The following CCDC171 variants were observed in gnomAD, a reference collection of about 807,000 sequenced individuals.
CCDC171 encodes the protein coiled-coil domain-containing protein 171.
In CCDC171, 177 loss-of-function variants were observed where a neutral mutation model predicts 168.2. That is an observed-to-expected ratio of 1.05 (90% CI 0.93 to 1.19). CCDC171 has a LOEUF of 1.19. Among genes scored for constraint, CCDC171 ranks in the 50% most tolerant of loss-of-function variants. The pLI, the probability that CCDC171 is intolerant of heterozygous loss-of-function variation, is 0.00. For missense variants in CCDC171, 1,991 were observed against 1,539.0 expected, an observed-to-expected ratio of 1.29 and a Z score of -4.91; for synonymous variants, 687 against 540.8, an observed-to-expected ratio of 1.27 and a Z score of -3.75.
chr9:16,079,791 T>C, the CCDC171 span, among the ~76,000 whole-genome samples: 1 of 151,830 alleles, frequency 6.6e-6, no homozygotes, highest in Non-Finnish European at 1.5e-5. Context: ...TGGTTCTTTG[T>C]ATGACTAGCA....
the CCDC171 span, among the ~76,000 whole-genome samples, chr9:16,107,341 T>C: frequency 6.6e-6 from 1 of 152,130 alleles, no homozygotes; most frequent in East Asian, 1.9e-4. Flanking sequence ...TACCCAAATA[T>C]ACTCTATATC....
intron 24 of CCDC171, among the ~76,000 whole-genome samples, chr9:15,880,061 C>T (rs1439184922): frequency 1.3e-5 from 2 of 152,120 alleles, no homozygotes; most frequent in African/African-American, 4.8e-5. Context: ...TCCATTCTTA[C>T]TAGGTCCTTA....
At chr9:15,980,912 A>G (rs1019583445) in intron 3 of CCDC171, among the ~76,000 whole-genome samples, 3 of 151,842 alleles carry the variant, frequency 2.0e-5, no homozygotes, top group Admixed American at 6.6e-5. Flanking sequence ...AAGAGGTTTA[A>G]CTGAACCTAC....
chr9:15,636,316 T>C (rs1054759703), intron 7 of CCDC171, among the ~76,000 whole-genome samples: 6 of 152,186 alleles, frequency 3.9e-5, no homozygotes, highest in African/African-American at 1.4e-4. Flanking sequence ...ACAGAAGGAA[T>C]AAAAATATGA....
At chr9:15,703,915 A>G (rs1438735431) in intron 11 of CCDC171, among the ~76,000 whole-genome samples, 1 of 152,234 alleles carries the variant, frequency 6.6e-6, no homozygotes, top group Non-Finnish European at 1.5e-5. Context: ...CAATAATAAC[A>G]TTAAAGATCA....
chr9:15,990,314 C>G (rs533178520), intron 3 of CCDC171, among the ~76,000 whole-genome samples: 1 of 152,242 alleles, frequency 6.6e-6, no homozygotes, highest in South Asian at 2.1e-4. Context: ...AATTTCATAT[C>G]CAGCCAAACT....
At chr9:15,754,610 G>C (rs7866664) in intron 18 of CCDC171, among the ~76,000 whole-genome samples, 1,601 of 152,190 alleles carry the variant, frequency 0.011, 36 homozygotes, top group African/African-American at 0.036. Flanking sequence ...CTCTACAGGG[G>C]AGGCAATACT....
chr9:15,557,333 G>T (rs932036892), intron 1 of CCDC171, among the ~76,000 whole-genome samples: 2 of 152,110 alleles, frequency 1.3e-5, no homozygotes, highest in Non-Finnish European at 2.9e-5. Context: ...ACCTTGGGGA[G>T]TATGGCCATT....
chr9:15,674,885 G>A (rs1587889028), intron 9 of CCDC171, among the ~76,000 whole-genome samples: 1 of 152,142 alleles, frequency 6.6e-6, no homozygotes, highest in Admixed American at 6.6e-5. Context: ...TCTGCTTGGT[G>A]CAGAGCTGAG....
rs560443770 is a variant in CCDC171 at position 15,919,915 on chromosome 9, A to T, written c.3601-355A>T. Among the ~76,000 whole-genome samples the T allele has an allele frequency of 3.3e-5, 5 of 151,762 alleles. No homozygotes were observed. In the South Asian group the frequency reaches 1.0e-3, roughly 32 times the overall value. On this transcript the variant is annotated intron_variant, in intron 24 of 25. Transcript: ENST00000380701. ...ATACCTTGTTTGTATACCCATTAAG[A>T]TTGCACCTCTCTTAAGATGGAAATT... is the stretch of plus-strand genomic sequence containing the variant.
At chr9:15,866,392 G>C (rs2131077182) in intron 23 of CCDC171, among the ~76,000 whole-genome samples, 1 of 152,124 alleles carries the variant, frequency 6.6e-6, no homozygotes, top group East Asian at 1.9e-4. Flanking sequence ...CCAGAAGAGT[G>C]ATGGTAGGTG....
chr9:15,730,590 A>G (rs2054091405), intron 16 of CCDC171, among the ~76,000 whole-genome samples: 1 of 151,808 alleles, frequency 6.6e-6, no homozygotes, highest in Admixed American at 6.6e-5. Flanking sequence ...TGATCCATTC[A>G]TGCTTATATT....
intron 6 of CCDC171, among the ~76,000 whole-genome samples, chr9:15,614,705 C>T (rs930060097): frequency 1.3e-5 from 2 of 152,088 alleles, no homozygotes; most frequent in African/African-American, 4.8e-5. Context: ...ATTTTATCTT[C>T]ATGTTGGATA....
chr9:15,998,110 A>T (rs1832426565), intron 3 of CCDC171, among the ~76,000 whole-genome samples: 1 of 152,120 alleles, frequency 6.6e-6, no homozygotes, highest in Non-Finnish European at 1.5e-5. Context: ...TGGGAATGGG[A>T]TACACCAAGT....
At chr9:15,774,683 T>G (rs1233045589) in intron 18 of CCDC171, among the ~76,000 whole-genome samples, 1 of 152,196 alleles carries the variant, frequency 6.6e-6, no homozygotes, top group Non-Finnish European at 1.5e-5. Flanking sequence ...CAATTTGCAA[T>G]TGCAAAAGTG....
intron 23 of CCDC171, among the ~76,000 whole-genome samples, chr9:15,859,605 G>C (rs1081244): frequency 6.8e-6 from 1 of 147,440 alleles, no homozygotes; most frequent in African/African-American, 2.5e-5. Flanking sequence ...CTCTCTTTCT[G>C]CCTTTCCCCC....
intron 3 of CCDC171, among the ~76,000 whole-genome samples, chr9:15,999,519 C>G (rs1461259835): frequency 6.6e-6 from 1 of 152,148 alleles, no homozygotes; most frequent in Non-Finnish European, 1.5e-5. Flanking sequence ...CAGCTCGGAC[C>G]TCTCTATCCA....
intron 11 of CCDC171, among the ~76,000 whole-genome samples, chr9:15,711,065 T>C (rs1014562742): frequency 2.6e-5 from 4 of 152,188 alleles, no homozygotes; most frequent in African/African-American, 7.2e-5. Flanking sequence ...TCTGCAGTAA[T>C]GGAAATGTTC....
the CCDC171 span, among the ~76,000 whole-genome samples, chr9:16,100,688 G>C: frequency 2.0e-5 from 3 of 152,190 alleles, no homozygotes; most frequent in African/African-American, 7.2e-5. Context: ...AGTTGGAAGT[G>C]TTGCTGGCAA....
Sources: gnomAD v4.1 joint callset for allele counts (sites outside exome capture counted in the v4.1 genomes callset) on GRCh38, gnomAD v4.1.1 for gene constraint, MANE v1.5 for transcripts, NCBI Gene and HGNC (gene_info 2026-07-23, HGNC 2026-07-21) for gene names.